Variants in SPACA9 observed in about 807,000 individuals in gnomAD.
The protein encoded by SPACA9 is sperm acrosome-associated protein 9.
SPACA9 carries 14 observed loss-of-function variants against 12.5 expected under a neutral mutation model. The observed-to-expected ratio is 1.12, with a 90% CI of 0.74 to 1.75. The LOEUF (loss-of-function observed/expected upper bound fraction) is 1.75. SPACA9 is among the 40% of genes most tolerant of loss of function. The probability of loss-of-function intolerance (pLI) is 0.00; values close to 1 mark genes in which losing one functional copy is unlikely to be tolerated. For missense variants in SPACA9, 292 were observed against 291.9 expected (o/e 1.00, Z 0.00); for synonymous variants, 111 against 114.1 (o/e 0.97, Z 0.17).
At position 132,886,285 on chromosome 9, in the gene SPACA9, G is replaced by A. The variant is rs374099530; in HGVS notation, c.145-1084G>A. Among the ~76,000 whole-genome samples the A allele has an allele frequency of 6.2e-4, 95 of 152,296 alleles. 1 individual carries two copies. The highest frequency in any genetic ancestry group is 2.1e-3 in the Admixed American group (32 of 15,286). ...GCTCGAGATCAGACCTCCGGCTCTG[G>A]CCCAACCTCAGATGCAGTCACTGGG... On this transcript the variant is annotated intron_variant, in intron 2 of 3. Transcript: ENST00000356311.
At chr9:132,884,962 A>G (rs1588265903) in intron 2 of SPACA9, among the ~76,000 whole-genome samples, 1 of 150,420 alleles carries the variant, frequency 6.6e-6, no homozygotes, top group Non-Finnish European at 1.5e-5. Context: ...AAAAATACAA[A>G]AATAGCTGGG....
intron 2 of SPACA9, among the ~76,000 whole-genome samples, chr9:132,886,380 C>G (rs1844565331): frequency 6.6e-6 from 1 of 152,234 alleles, no homozygotes; most frequent in Non-Finnish European, 1.5e-5. Context: ...CGGCTGAAGC[C>G]CAAAGGATTC....
In SPACA9 at chr9:132,888,674, T is replaced by C. The variant is rs1588270923; in HGVS notation, c.*63T>C. ...GTTTAATTTGGATTTTACTGGTTGG[T>C]CCTTTTTTCACTGGTACCCATGGAC... On this transcript the variant is annotated 3_prime_UTR_variant, in exon 4 of 4. Coordinates refer to ENST00000356311, the MANE Select transcript of SPACA9 (RefSeq NM_001316897.2). The surrounding 1 kb of genome is among the most constrained non-coding windows in gnomAD (Gnocchi z 5.0). 1 of 1,468,842 alleles carries C rather than the reference T, an allele frequency of 6.8e-7. No individual in the cohort carries two copies. The highest frequency in any genetic ancestry group is 9.0e-7 in the Non-Finnish European group (1 of 1,108,874). The allele number at this position is 1,468,842 out of a possible 1,614,324, so 91.0% of individuals were successfully genotyped here.
chr9:132,878,532 T>C, upstream of SPACA9: 1 of 1,178,712 alleles, frequency 8.5e-7, no homozygotes, highest in South Asian at 4.3e-5. This position sits in a 1 kb window ranked among gnomAD's most constrained non-coding sequence, Gnocchi z 4.7. Flanking sequence ...TCCTCGTATC[T>C]GAGACCCCCG....
In SPACA9 at chr9:132,887,358, G is replaced by A. The variant is rs776970822; in HGVS notation, c.145-11G>A. On this transcript the variant is annotated splice_polypyrimidine_tract_variant and intron_variant, in intron 2 of 3. Transcript: ENST00000356311. The surrounding 1 kb of genome is among the most constrained non-coding windows in gnomAD (Gnocchi z 5.4). ...GCATGTCCCCAGCTCATGTGGCGGCGGCCCTTGCAGGTGCAGAGCTACATG... is the reference window on the plus strand; with the variant it reads ...GCATGTCCCCAGCTCATGTGGCGGCAGCCCTTGCAGGTGCAGAGCTACATG... 61 of 1,608,266 alleles carry A rather than the reference G, an allele frequency of 3.8e-5. No homozygotes were observed. Among genetic ancestry groups the A allele is most frequent in the South Asian group, 5.5e-5 (5 of 90,998 alleles).
In SPACA9 at chr9:132,888,579, C is replaced by A. The variant is rs1844643113; in HGVS notation, c.637C>A (p.Pro213Thr). ...CCTCAAACCCAGGGGATGTTCAAAA[C>A]CACCCTGGAGGCCTCCTGGTGGGAA... is the stretch of plus-strand genomic sequence containing the variant. The part of the protein sequence containing the change: ...ASLKPRGCSK[P>T]PWRPPGGKL The change falls in exon 4 of 4, where the codon CCA becomes ACA. Residue 213 changes from proline (P) to threonine (T), a missense_variant. By Grantham distance (38) the Pro-to-Thr change is conservative. Transcript: ENST00000356311. This position sits in a 1 kb window ranked among gnomAD's most constrained non-coding sequence, Gnocchi z 5.0. 6.5e-7 allele frequency: 1 copy of A among 1,548,202 alleles called. No individual in the cohort carries two copies. The highest frequency in any genetic ancestry group is 1.4e-5 in the African/African-American group (1 of 73,054).
rs370412662 is a variant in SPACA9 at position 132,883,944 on chromosome 9, G to A, written c.-4G>A. On this transcript the variant is annotated 5_prime_UTR_variant, in exon 2 of 4. Coordinates refer to ENST00000356311, the MANE Select transcript of SPACA9 (RefSeq NM_001316897.2). ...TCTCCTGTAAATGACCACAGAGGAA[G>A]ACAATGAATGAGGTGAAAGAATCCC... The A allele has an allele frequency of 5.9e-5, 95 of 1,614,010 alleles. No individual in the cohort carries two copies. In the African/African-American group the frequency reaches 9.7e-4, roughly 17 times the overall value.
intron 2 of SPACA9, among the ~76,000 whole-genome samples, chr9:132,886,370 C>T (rs1034535535): frequency 9.9e-5 from 15 of 152,242 alleles, no homozygotes; most frequent in Admixed American, 5.9e-4. Flanking sequence ...GAACACAGTA[C>T]GGCTGAAGCC....
At chr9:132,885,687 A>T (rs1225614722) in intron 2 of SPACA9, among the ~76,000 whole-genome samples, 1 of 152,056 alleles carries the variant, frequency 6.6e-6, no homozygotes, top group Non-Finnish European at 1.5e-5. Flanking sequence ...ACTTCGGGGG[A>T]AAAAAGAAAA....
chr9:132,881,665 C>CTTTTTTT (rs79845257), intron 1 of SPACA9, among the ~76,000 whole-genome samples: 1 of 144,554 alleles, frequency 6.9e-6, no homozygotes, highest in African/African-American at 2.6e-5. Flanking sequence ...ACTCAAGATG[C>CTTTTTTT]TTTTTTTTTT....
chr9:132,878,773 C>A, upstream of SPACA9: 1 of 985,662 alleles, frequency 1.0e-6, no homozygotes, highest in Non-Finnish European at 1.2e-6. The surrounding 1 kb of genome is among the most constrained non-coding windows in gnomAD (Gnocchi z 4.7). Flanking sequence ...TAGAGTCGAG[C>A]CCCGGTAGAC....
chr9:132,882,680 C>A (rs113391497), intron 1 of SPACA9, among the ~76,000 whole-genome samples: 1 of 152,096 alleles, frequency 6.6e-6, no homozygotes, highest in African/African-American at 2.4e-5. Context: ...GCCTTCCCTG[C>A]CCCAGTCCAT....
At position 132,879,011 on chromosome 9, in the gene SPACA9, A is replaced by G. The variant is rs974867485; in HGVS notation, c.-41A>G. 1.3e-5 allele frequency: 2 copies of G among 154,768 alleles called. No individual in the cohort carries two copies. Among genetic ancestry groups the G allele is most frequent in the Admixed American group, 1.3e-4 (2 of 15,294 alleles). 9.6% of individuals were successfully genotyped at this position (154,768 alleles called of 1,614,324 possible). Reference sequence around the variant, plus strand: ...GAGCGAAGAGCGCTCTAGGACAAGCAAGGGTAAACAGGGATGAGTGTGGGT... The same window carrying G: ...GAGCGAAGAGCGCTCTAGGACAAGCGAGGGTAAACAGGGATGAGTGTGGGT... On this transcript the variant is annotated 5_prime_UTR_variant, in exon 1 of 4. Coordinates refer to ENST00000356311, the MANE Select transcript of SPACA9 (RefSeq NM_001316897.2).
chr9:132,890,084 C>T (rs1188694345), downstream of SPACA9: 6 of 1,187,478 alleles, frequency 5.1e-6, no homozygotes, highest in East Asian at 1.7e-4. Context: ...ACCTACATCT[C>T]CCCTAAGACA....
At position 132,887,314 on chromosome 9, in the gene SPACA9, C is replaced by A; in HGVS notation, c.145-55C>A. The A allele has an allele frequency of 1.3e-6, 2 of 1,541,288 alleles. No homozygotes were observed. Among genetic ancestry groups the A allele is most frequent in the South Asian group, 1.1e-5 (1 of 89,024 alleles). The stretch of plus-strand genomic sequence containing the variant: ...TGCTTCTGGACATTTGCACCATAAG[C>A]CAGCCAGGACCCGGGTTGGCATGTC... On this transcript the variant is annotated intron_variant, in intron 2 of 3. Transcript: ENST00000356311. The surrounding 1 kb of genome is among the most constrained non-coding windows in gnomAD (Gnocchi z 5.4).
intron 2 of SPACA9, among the ~76,000 whole-genome samples, chr9:132,884,655 G>C (rs1287381066): frequency 6.6e-6 from 1 of 152,220 alleles, no homozygotes; most frequent in Non-Finnish European, 1.5e-5. Context: ...TGGAGCTGCA[G>C]TGCAGTTAGG....
At position 132,888,561 on chromosome 9, in the gene SPACA9, C is replaced by T. The variant is rs948464802; in HGVS notation, c.619C>T (p.Pro207Ser). 3.2e-6 allele frequency: 5 copies of T among 1,551,264 alleles called. No homozygotes were observed. The African/African-American group carries it at 5.5e-5, about 17-fold the overall frequency. The change falls in exon 4 of 4, where the codon CCC (proline) becomes TCC (serine). Residue 207 changes from proline to serine, a missense_variant. Physicochemically the swap from Pro to Ser is moderately conservative, Grantham distance 74. Transcript: ENST00000356311. This position sits in a 1 kb window ranked among gnomAD's most constrained non-coding sequence, Gnocchi z 5.0. ...CRQLTKASLK[P>S]RGCSKPPWRP... The stretch of plus-strand genomic sequence containing the variant: ...ACAGCTCACAAAAGCCAGCCTCAAA[C>T]CCAGGGGATGTTCAAAACCACCCTG...
intron 1 of SPACA9, among the ~76,000 whole-genome samples, chr9:132,880,458 C>T (rs1003003141): frequency 3.9e-5 from 6 of 152,098 alleles, no homozygotes; most frequent in African/African-American, 1.4e-4. Context: ...CACTACCAAC[C>T]ACAGCTCCCA....
At chr9:132,886,535 CA>C (rs1844568595) in intron 2 of SPACA9, among the ~76,000 whole-genome samples, 1 of 152,156 alleles carries the variant, frequency 6.6e-6, no homozygotes, top group South Asian at 2.1e-4. Flanking sequence ...GTTCAGGTGG[CA>C]GGGGACAGGT....
Sources: gnomAD v4.1 joint callset for allele counts (sites outside exome capture counted in the v4.1 genomes callset) on GRCh38, gnomAD v4.1.1 for gene constraint, Gnocchi (gnomAD v3.1) non-coding constraint, MANE v1.5 for transcripts, NCBI Gene and HGNC (gene_info 2026-07-23, HGNC 2026-07-21) for gene names.